The following CACNA1S variants were observed in gnomAD, a reference collection of about 807,000 sequenced individuals.
The protein encoded by CACNA1S is voltage-dependent L-type calcium channel subunit alpha-1S.
A neutral mutation model predicts 207.4 loss-of-function variants in CACNA1S; 126 were observed. That is an observed-to-expected ratio of 0.61 (90% CI 0.53 to 0.70). CACNA1S has a LOEUF of 0.70. CACNA1S is among the 30% of genes least tolerant of loss of function. CACNA1S has a pLI of 0.00. For missense variants in CACNA1S, 2,349 were observed against 2,422.8 expected (o/e 0.97, Z 0.64); for synonymous variants, 960 against 932.7 (o/e 1.03, Z -0.53).
chr1:201,040,574 G>A, intron 42 of CACNA1S, 48 bp downstream of exon 42: 1 of 1,554,192 alleles, frequency 6.4e-7, no homozygotes, highest in Admixed American at 1.7e-5. Context: ...TATCAGGCCA[G>A]GCAGGGTCTC....
intron 2 of CACNA1S, among the ~76,000 whole-genome samples, chr1:201,097,768 T>C (rs1307206009): frequency 1.3e-5 from 2 of 152,156 alleles, no homozygotes; most frequent in African/African-American, 4.8e-5. Context: ...TCGGAGTTGC[T>C]GCTGGTGGTG....
chr1:201,088,519 C>T (rs1331198129), intron 6 of CACNA1S, among the ~76,000 whole-genome samples: 1 of 152,154 alleles, frequency 6.6e-6, no homozygotes, highest in Non-Finnish European at 1.5e-5. Context: ...ACAATCCCCC[C>T]ACCCCCACAA....
intron 16 of CACNA1S, among the ~76,000 whole-genome samples, chr1:201,072,346 C>T (rs1661458293): frequency 6.6e-6 from 1 of 152,136 alleles, no homozygotes; most frequent in South Asian, 2.1e-4. Context: ...GGCCCCCAGC[C>T]CTACCAGACA....
intron 2 of CACNA1S, among the ~76,000 whole-genome samples, chr1:201,094,266 G>A (rs1469825159): frequency 1.3e-5 from 2 of 151,936 alleles, no homozygotes; most frequent in African/African-American, 4.8e-5. Flanking sequence ...GCCACTAAGT[G>A]TAATGCGAGC....
At chr1:201,068,592 G>T (rs537958887) in intron 19 of CACNA1S, among the ~76,000 whole-genome samples, 3 of 151,284 alleles carry the variant, frequency 2.0e-5, no homozygotes, top group Non-Finnish European at 4.4e-5. Context: ...GCGAGAGTTC[G>T]CTGGGCGAGG....
chr1:201,085,889 A>G (rs1416016741), intron 7 of CACNA1S, among the ~76,000 whole-genome samples: 1 of 152,148 alleles, frequency 6.6e-6, no homozygotes, highest in African/African-American at 2.4e-5. Flanking sequence ...ATTAGGGGTT[A>G]ATGACAAGGC....
chr1:201,077,126 A>G lies in CACNA1S; in HGVS notation c.1621T>C (p.Tyr541His). The change falls in exon 12 of 44, where the codon TAT becomes CAT. Residue 541 changes from tyrosine to histidine, a missense_variant and splice_region_variant. Physicochemically the swap from Tyr to His is moderately conservative, Grantham distance 83. Coordinates refer to ENST00000362061, the MANE Select transcript of CACNA1S (RefSeq NM_000069.3). ...RLLRIFKITK[Y>H]WTSLSNLVAS... ...ACCAGGTTGCTCAGCGACGTCCAAT[A>G]TCTGAAGGAAGAGGAGGCACAAGGT... 1 of 1,613,830 alleles carries G rather than the reference A, an allele frequency of 6.2e-7. No individual in the cohort carries two copies. The highest frequency in any genetic ancestry group is 8.5e-7 in the Non-Finnish European group (1 of 1,179,804).
intron 22 of CACNA1S, among the ~76,000 whole-genome samples, chr1:201,065,144 C>T (rs12565884): frequency 0.085 from 12,894 of 152,222 alleles, 975 homozygotes; most frequent in African/African-American, 0.2. Context: ...AACCAAGAGG[C>T]CCGGGATGGA....
At chr1:201,055,195 T>C (rs910157680) in intron 28 of CACNA1S, among the ~76,000 whole-genome samples, 4 of 152,232 alleles carry the variant, frequency 2.6e-5, no homozygotes, top group African/African-American at 9.6e-5. Flanking sequence ...AAGCCCTTGT[T>C]CTGCAGCCCT....
chr1:201,083,467 T>TTCTCTC, intron 9 of CACNA1S, 145 bp from the exon 10 acceptor site: 1 of 798,624 alleles, frequency 1.3e-6, no homozygotes, highest in Non-Finnish European at 2.2e-6. Flanking sequence ...GGGCATGAGC[T>TTCTCTC]AGGGAGCCAG....
At chr1:201,043,084 G>T in intron 40 of CACNA1S, 197 bp downstream of exon 40, 2 of 632,276 alleles carry the variant, frequency 3.2e-6, no homozygotes, top group Non-Finnish European at 5.6e-6. Context: ...CATGATGTGA[G>T]GCTTCCCCCT....
Position 201,053,104 on chromosome 1 carries a change from G to T in CACNA1S, c.3861+105C>A. The T allele has an allele frequency of 1.6e-6, 2 of 1,276,726 alleles. No homozygotes were observed. The highest frequency in any genetic ancestry group is 1.1e-6 in the Non-Finnish European group (1 of 872,256). The allele number at this position is 1,276,726 out of a possible 1,614,324, so 79.1% of individuals were successfully genotyped here. ...CTTTCTCACGAGCAAGGCAGGGAGG[G>T]CGGAGGGTCCAGCCCGTGTGCTGCT... is the stretch of plus-strand genomic sequence containing the variant. On this transcript the variant is annotated intron_variant, in intron 31 of 43. Coordinates refer to ENST00000362061, the MANE Select transcript of CACNA1S (RefSeq NM_000069.3). This position sits in a 1 kb window ranked among gnomAD's most constrained non-coding sequence, Gnocchi z 5.1.
intron 10 of CACNA1S, among the ~76,000 whole-genome samples, chr1:201,081,101 G>C (rs1661823778): frequency 6.6e-6 from 1 of 152,130 alleles, no homozygotes; most frequent in Non-Finnish European, 1.5e-5. Context: ...TTCCATGGGG[G>C]CAGACTTTCC....
intron 25 of CACNA1S, 120 bp from the exon 26 acceptor site, chr1:201,060,936 G>A: frequency 8.2e-7 from 1 of 1,222,628 alleles, no homozygotes; most frequent in Non-Finnish European, 1.2e-6. Flanking sequence ...TGTGGCTGAG[G>A]ACTGTGAACT....
At chr1:201,061,918 G>T (rs1324156571) in intron 24 of CACNA1S, 26 bp downstream of exon 24, 4 of 1,613,840 alleles carry the variant, frequency 2.5e-6, no homozygotes, top group Non-Finnish European at 3.4e-6. Context: ...TGTCCATGAG[G>T]GACCTAGGCC....
In CACNA1S at chr1:201,074,505, C is replaced by T. The variant is rs1407484817; in HGVS notation, c.2063+1G>A. ...TCCCTTCCTGCTAAGGAAGCACTCA[C>T]TTGGACATCTTCCTGCGTTTTTTCT... On this transcript the variant is annotated splice_donor_variant, in intron 14 of 43. Coordinates refer to ENST00000362061, the MANE Select transcript of CACNA1S (RefSeq NM_000069.3). LOFTEE classifies it high-confidence loss of function. 1 of 1,599,196 alleles carries T rather than the reference C, an allele frequency of 6.3e-7. No individual in the cohort carries two copies. The highest frequency in any genetic ancestry group is 8.6e-7 in the Non-Finnish European group (1 of 1,166,670).
Position 201,041,536 on chromosome 1 carries a change from C to T in CACNA1S, c.5102G>A (p.Gly1701Glu). Residue 1701 changes from glycine (G) to glutamate (E), a missense_variant, in exon 41 of 44, where the codon GGA becomes GAA. Coordinates refer to ENST00000362061, the MANE Select transcript of CACNA1S (RefSeq NM_000069.3). ...PEETETPATR[G>E]RALGQPCRVL... Reference sequence around the variant, plus strand: ...CCTGCAGGGTTGGCCAAGGGCTCGTCCTCTGGTAGCAGGCGTCTCTGTCTC... The same window carrying T: ...CCTGCAGGGTTGGCCAAGGGCTCGTTCTCTGGTAGCAGGCGTCTCTGTCTC... 3 of 1,614,180 alleles carry T rather than the reference C, an allele frequency of 1.9e-6. No homozygotes were observed. In the East Asian group the frequency reaches 6.7e-5, roughly 36 times the overall value.
intron 23 of CACNA1S, 56 bp downstream of exon 23, chr1:201,062,406 G>A: frequency 6.5e-7 from 1 of 1,534,964 alleles, no homozygotes; most frequent in Non-Finnish European, 9.0e-7. Flanking sequence ...CCCCGTGACT[G>A]TCCCACCATG....
rs561722889 is a variant in CACNA1S, at chr1:201,074,616, G to T, written c.1953C>A (p.Ile651=). 1.9e-6 allele frequency: 3 copies of T among 1,606,554 alleles called. No individual in the cohort carries two copies. The highest frequency in any genetic ancestry group is 1.7e-5 in the Admixed American group (1 of 59,954). The change falls in exon 14 of 44, where the codon ATC becomes ATA. Residue 651 remains isoleucine (I), a synonymous_variant. Transcript: ENST00000362061. The part of the protein sequence containing the change: ...FIILFVCGNY[I]LLNVFLAIAV... ...CAATGGCCAGGAAGACATTGAGCAG[G>T]ATGTCTGAGCGGGTTTAGCTAAGGA... is the stretch of plus-strand genomic sequence containing the variant.
Sources: allele counts gnomAD v4.1 joint callset (sites outside exome capture counted in the v4.1 genomes callset), GRCh38; gene constraint gnomAD v4.1.1; non-coding constraint Gnocchi (gnomAD v3.1); transcripts MANE v1.5; gene names NCBI Gene and HGNC (gene_info 2026-07-23, HGNC 2026-07-21).